The following MLC1 variants were observed in gnomAD, a reference collection of about 807,000 sequenced individuals.
MLC1 encodes the protein modulator of VRAC current 1, also known as membrane protein MLC1.
A neutral mutation model predicts 44.7 loss-of-function variants in MLC1; 32 were observed. The observed-to-expected ratio is 0.72, with a 90% CI of 0.54 to 0.96. The LOEUF is 0.96. Among genes scored for constraint, MLC1 ranks in the 40% least tolerant of loss-of-function variants. The pLI, the probability that MLC1 is intolerant of heterozygous loss-of-function variation, is 0.00. For missense variants in MLC1, 459 were observed against 492.2 expected (o/e 0.93, Z 0.64); for synonymous variants, 190 against 213.0 (o/e 0.89, Z 0.94).
chr22:50,070,062 C>G (rs1260082367), intron 9 of MLC1, among the ~76,000 whole-genome samples: 1 of 151,906 alleles, frequency 6.6e-6, no homozygotes, highest in Non-Finnish European at 1.5e-5. Context: ...ATTAGCCGGG[C>G]ATGGTGGCAG....
At chr22:50,076,739 C>G in intron 7 of MLC1, 102 bp downstream of exon 7, 1 of 1,280,314 alleles carries the variant, frequency 7.8e-7, no homozygotes, top group Non-Finnish European at 1.1e-6. Flanking sequence ...GTGTAGACAG[C>G]CAACTCTTCG....
At position 50,064,145 on chromosome 22, in the gene MLC1, GGCCTGCA is replaced by G; in HGVS notation, c.941_947del (p.Leu314ProfsTer44). ...GGATGGCGGTGCCCGTGTTGAGGCC[GGCCTGCA>G]GCAGGAGCACTAGCAGCAGCAGCAG... On this transcript the variant is annotated frameshift_variant, in exon 11 of 12. Coordinates refer to ENST00000311597, the MANE Select transcript of MLC1 (RefSeq NM_015166.4). LOFTEE classifies it high-confidence loss of function. 1 of 1,608,110 alleles carries G rather than the reference GGCCTGCA, an allele frequency of 6.2e-7. No homozygotes were observed. The highest frequency in any genetic ancestry group is 8.5e-7 in the Non-Finnish European group (1 of 1,179,778).
At chr22:50,074,665 T>C (rs1342056137) in intron 7 of MLC1, 1 of 367,824 alleles carries the variant, frequency 2.7e-6, no homozygotes, top group Non-Finnish European at 5.3e-6. Context: ...TGTCTCACAG[T>C]GTGGCAGGCG....
Position 50,061,179 on chromosome 22 carries a change from G to A in MLC1, c.*404C>T. The A allele has an allele frequency of 3.2e-6, 1 of 309,528 alleles. No individual in the cohort carries two copies. Among genetic ancestry groups the A allele is most frequent in the Non-Finnish European group, 6.3e-6 (1 of 158,604 alleles). 19.2% of individuals were successfully genotyped at this position (309,528 alleles called of 1,614,324 possible). A position where few individuals can be genotyped will look rare whatever the true frequency, so the allele number is the denominator to read the frequency against. ...GGAGGGAGGAAGCCCGGTCAGAGTGGGCAGGAGACGCAGGGACCCACAGTC... is the reference window on the plus strand; with the variant it reads ...GGAGGGAGGAAGCCCGGTCAGAGTGAGCAGGAGACGCAGGGACCCACAGTC... On this transcript the variant is annotated 3_prime_UTR_variant, in exon 12 of 12. Coordinates refer to ENST00000311597, the MANE Select transcript of MLC1 (RefSeq NM_015166.4).
intron 7 of MLC1, among the ~76,000 whole-genome samples, chr22:50,075,605 G>A (rs2061959766): frequency 6.6e-6 from 1 of 152,014 alleles, no homozygotes; most frequent in South Asian, 2.1e-4. Flanking sequence ...AGCTACTCGG[G>A]AGGCTGAGGC....
Position 50,076,924 on chromosome 22 carries a change from C to G in MLC1, c.526-12G>C. On this transcript the variant is annotated splice_polypyrimidine_tract_variant and intron_variant, in intron 6 of 11. Transcript: ENST00000311597. ...TCAGACATGGAGCCCTACGAAGAAA[C>G]AGAACTGTCACCCCGGGTGCACGGG... The G allele has an allele frequency of 5.6e-6, 9 of 1,613,920 alleles. No homozygotes were observed. Among genetic ancestry groups the G allele is most frequent in the Non-Finnish European group, 7.6e-6 (9 of 1,179,854 alleles).
chr22:50,072,765 G>A (rs1390596089), intron 8 of MLC1: 1 of 152,540 alleles, frequency 6.6e-6, no homozygotes, highest in South Asian at 2.1e-4. Context: ...CATTCTCTCT[G>A]TCACAGACCC....
At chr22:50,084,417 G>A (rs1862664271) in intron 2 of MLC1, among the ~76,000 whole-genome samples, 1 of 152,158 alleles carries the variant, frequency 6.6e-6, no homozygotes, top group African/African-American at 2.4e-5. Context: ...AGGACCCTGG[G>A]CCCCCAGAGC....
chr22:50,068,251 G>A (rs1208431047), intron 10 of MLC1, among the ~76,000 whole-genome samples, 182 bp downstream of exon 10: 1 of 152,224 alleles, frequency 6.6e-6, no homozygotes, highest in Non-Finnish European at 1.5e-5. Flanking sequence ...AGGCCCCGAG[G>A]CCCTGGGGCC....
chr22:50,083,405 A>G lies in MLC1; in HGVS notation c.178-232T>C, dbSNP rs896830773. On this transcript the variant is annotated intron_variant, in intron 2 of 11. Transcript: ENST00000311597. This position sits in a 1 kb window ranked among gnomAD's most constrained non-coding sequence, Gnocchi z 4.6. ...CTCCCCCAGCCATGTCGGAGCATGG[A>G]CCCCCCACGCTGTTATCTGGAGGAG... Among the ~76,000 whole-genome samples, 4 of 151,738 alleles carry G rather than the reference A, an allele frequency of 2.6e-5. No homozygotes were observed. Among genetic ancestry groups the G allele is most frequent in the Non-Finnish European group, 5.9e-5 (4 of 67,952 alleles).
chr22:50,077,047 G>T (rs986603207), intron 6 of MLC1, 135 bp from the exon 7 acceptor site: 1 of 850,468 alleles, frequency 1.2e-6, no homozygotes. Context: ...AGGCGCCCGT[G>T]GATCTTTGGG....
chr22:50,063,182 A>G (rs1035738894), intron 11 of MLC1, among the ~76,000 whole-genome samples: 21 of 152,192 alleles, frequency 1.4e-4, no homozygotes, highest in African/African-American at 4.6e-4. Context: ...TATTTTTAAA[A>G]GACATTTTAC....
intron 3 of MLC1, among the ~76,000 whole-genome samples, chr22:50,081,536 G>A (rs958758591): frequency 2.8e-4 from 42 of 152,254 alleles, no homozygotes; most frequent in African/African-American, 4.8e-5. Context: ...GGGACAGGGA[G>A]GTGGATGGAG....
chr22:50,083,109 T>C lies in MLC1; in HGVS notation c.242A>G (p.Asp81Gly), dbSNP rs1174014559. The change falls in exon 3 of 12, where the codon GAT becomes GGT. Residue 81 changes from aspartate (D) to glycine (G), a missense_variant. Physicochemically the swap from Asp to Gly is moderately conservative, Grantham distance 94 (BLOSUM62 -1). Transcript: ENST00000311597. The surrounding 1 kb of genome is among the most constrained non-coding windows in gnomAD (Gnocchi z 4.6). ...AGAGCCTGCAGCACAGCGCAAGTAATCCATCTCAGCCGGGAACACGTTCCC... is the reference window on the plus strand; with the variant it reads ...AGAGCCTGCAGCACAGCGCAAGTAACCCATCTCAGCCGGGAACACGTTCCC... ...YLGNVFPAEM[D>G]YLRCAAGSCI... 2 of 1,613,948 alleles carry C rather than the reference T, an allele frequency of 1.2e-6. No individual in the cohort carries two copies. Among genetic ancestry groups the C allele is most frequent in the Non-Finnish European group, 8.5e-7 (1 of 1,179,988 alleles).
chr22:50,071,807 C>T (rs531402027), intron 8 of MLC1, among the ~76,000 whole-genome samples: 1 of 152,356 alleles, frequency 6.6e-6, no homozygotes, highest in South Asian at 2.1e-4. Context: ...AGGGAGGATG[C>T]ATGCTCTTCA....
In MLC1 at chr22:50,061,619, T is replaced by C; in HGVS notation, c.1098A>G (p.Lys366=). 1 of 1,613,788 alleles carries C rather than the reference T, an allele frequency of 6.2e-7. No individual in the cohort carries two copies. Among genetic ancestry groups the C allele is most frequent in the Non-Finnish European group, 8.5e-7 (1 of 1,179,988 alleles). The part of the protein sequence containing the change: ...RSPLKEFDKE[K]AWRAVVVQMA... ...TTTGCACCACGACGGCTCTCCAGGC[T>C]TTCTCCTTGTCGAACTCCTTCAGGG... Residue 366 remains lysine, a synonymous_variant, in exon 12 of 12, where the codon AAA becomes AAG. Transcript: ENST00000311597.
chr22:50,083,587 G>A lies in MLC1; in HGVS notation c.178-414C>T, dbSNP rs2062203642. ...AACTGCCCATCCCCCTCCGTCTGCAGAACCTAATTTCCAGATCTGGAAGAA... is the reference window on the plus strand; with the variant it reads ...AACTGCCCATCCCCCTCCGTCTGCAAAACCTAATTTCCAGATCTGGAAGAA... On this transcript the variant is annotated intron_variant, in intron 2 of 11. Transcript: ENST00000311597. This position sits in a 1 kb window ranked among gnomAD's most constrained non-coding sequence, Gnocchi z 4.6. Among the ~76,000 whole-genome samples, 1 of 152,238 alleles carries A rather than the reference G, an allele frequency of 6.6e-6. No homozygotes were observed. The highest frequency in any genetic ancestry group is 2.1e-4 in the South Asian group (1 of 4,832).
At chr22:50,080,419 ATGAGCC>A in intron 3 of MLC1, 22 bp from the exon 4 acceptor site, 1 of 1,593,658 alleles carries the variant, frequency 6.3e-7, no homozygotes, top group Non-Finnish European at 8.5e-7. Context: ...CCGGAATCCC[ATGAGCC>A]TGCCGCTCAC....
chr22:50,082,436 T>C (rs1602060779), intron 3 of MLC1, among the ~76,000 whole-genome samples: 1 of 152,316 alleles, frequency 6.6e-6, no homozygotes, highest in Middle Eastern at 3.4e-3. Context: ...ACTGTGTAAG[T>C]TTCTAAAAAC....
Sources: gnomAD v4.1 joint callset for allele counts (sites outside exome capture counted in the v4.1 genomes callset) on GRCh38, gnomAD v4.1.1 for gene constraint, Gnocchi (gnomAD v3.1) non-coding constraint, MANE v1.5 for transcripts, NCBI Gene and HGNC (gene_info 2026-07-23, HGNC 2026-07-21) for gene names.